The following RAPGEF4 variants were observed in gnomAD, a reference collection of about 807,000 sequenced individuals.
RAPGEF4 encodes the protein RAP guanine-nucleotide-exchange factor (GEF) 4.
A neutral mutation model predicts 147.9 loss-of-function variants in RAPGEF4; 66 were observed. That is an observed-to-expected ratio of 0.45 (90% CI 0.37 to 0.55). The LOEUF is 0.55. RAPGEF4 is among the 20% of genes least tolerant of loss of function. The pLI is 0.00. For synonymous variants in RAPGEF4, 419 were observed against 442.7 expected (o/e 0.95, Z 0.67); for missense variants, 1,071 against 1,257.3 (o/e 0.85, Z 2.24).
chr2:172,855,853 T>A (rs761382981), intron 4 of RAPGEF4, among the ~76,000 whole-genome samples: 3 of 152,176 alleles, frequency 2.0e-5, no homozygotes, highest in Non-Finnish European at 4.4e-5. Context: ...AGTATGCCAT[T>A]TTCCCCCTGG....
intron 29 of RAPGEF4, among the ~76,000 whole-genome samples, chr2:173,038,717 A>G (rs1684366935): frequency 6.6e-6 from 1 of 152,230 alleles, no homozygotes; most frequent in East Asian, 1.9e-4. Context: ...AAACCTGCAC[A>G]TTCTGCACAT....
rs373255479 is a variant in RAPGEF4, at chr2:172,887,715, ACTC to A, written c.445-30084_445-30082del. Among the ~76,000 whole-genome samples the A allele has an allele frequency of 1.3e-3, 204 of 151,752 alleles. No individual in the cohort carries two copies. In the South Asian group the frequency reaches 0.016, roughly 12 times the overall value. On this transcript the variant is annotated intron_variant, in intron 4 of 30. Transcript: ENST00000397081. ...TGCAGGAAGCCTTCTGTATCTGGCC[ACTC>A]CTGTCTCTTCTCACAGTTCCTCTGC...
chr2:172,808,368 G>A (rs1323855802), intron 3 of RAPGEF4, among the ~76,000 whole-genome samples: 2 of 152,142 alleles, frequency 1.3e-5, no homozygotes, highest in Non-Finnish European at 2.9e-5. Flanking sequence ...TTGAATACGA[G>A]CTCCCCCAGA....
chr2:172,945,112 G>T (rs577167303), intron 6 of RAPGEF4, among the ~76,000 whole-genome samples: 1 of 152,096 alleles, frequency 6.6e-6, no homozygotes, highest in South Asian at 2.1e-4. Context: ...AATACTGTTG[G>T]CATATCTAAT....
At chr2:173,022,064 G>A (rs1290117093) in intron 23 of RAPGEF4, among the ~76,000 whole-genome samples, 1 of 152,148 alleles carries the variant, frequency 6.6e-6, no homozygotes, top group Non-Finnish European at 1.5e-5. Flanking sequence ...TGTCATAAAT[G>A]AGTCGTGCTG....
At chr2:172,784,215 C>T (rs898036297) in intron 1 of RAPGEF4, among the ~76,000 whole-genome samples, 4 of 152,094 alleles carry the variant, frequency 2.6e-5, no homozygotes, top group African/African-American at 7.2e-5. Flanking sequence ...TACTCAGTAA[C>T]GAACTATAGA....
At chr2:172,920,008 C>T (rs1684564085) in intron 5 of RAPGEF4, among the ~76,000 whole-genome samples, 1 of 152,164 alleles carries the variant, frequency 6.6e-6, no homozygotes, top group Non-Finnish European at 1.5e-5. Context: ...GATGAGTCAA[C>T]TGGCTGTGAA....
intron 4 of RAPGEF4, chr2:172,860,417 C>A: frequency 1.5e-6 from 1 of 678,526 alleles, no homozygotes; most frequent in Non-Finnish European, 1.8e-6. Context: ...CAGAAGTAGA[C>A]TTCATTTTGT....
chr2:172,913,734 A>G (rs190192412), intron 4 of RAPGEF4, among the ~76,000 whole-genome samples: 2 of 152,126 alleles, frequency 1.3e-5, no homozygotes, highest in African/African-American at 4.8e-5. Context: ...CCTTTCTTCC[A>G]TTTCATTTGA....
At chr2:173,013,732 T>G (rs1159657990) in intron 17 of RAPGEF4, among the ~76,000 whole-genome samples, 2 of 152,152 alleles carry the variant, frequency 1.3e-5, no homozygotes, top group African/African-American at 4.8e-5. Context: ...CTAGGCGTAG[T>G]GTAGAATACA....
intron 1 of RAPGEF4, among the ~76,000 whole-genome samples, chr2:172,755,464 G>A (rs192035477): frequency 3.5e-4 from 53 of 152,160 alleles, no homozygotes; most frequent in East Asian, 1.9e-4. Context: ...GTGCAATCTC[G>A]GCTCACTGCA....
At chr2:172,987,623 AT>A (rs1692405545) in intron 12 of RAPGEF4, among the ~76,000 whole-genome samples, 1 of 152,226 alleles carries the variant, frequency 6.6e-6, no homozygotes, top group Admixed American at 6.5e-5. Context: ...TAGGATTTAC[AT>A]TGTATTAGCT....
intron 4 of RAPGEF4, among the ~76,000 whole-genome samples, chr2:172,828,286 G>A (rs902489340): frequency 1.3e-5 from 2 of 152,110 alleles, no homozygotes; most frequent in Non-Finnish European, 1.5e-5. Flanking sequence ...TCGTAAGGCC[G>A]ACAGAAATGT....
intron 18 of RAPGEF4, among the ~76,000 whole-genome samples, chr2:173,014,880 A>C (rs978764086): frequency 6.6e-6 from 1 of 152,154 alleles, no homozygotes; most frequent in Non-Finnish European, 1.5e-5. Context: ...GTCACGTAGC[A>C]CCCATCATTC....
At chr2:172,879,130 G>A (rs1696315457) in intron 4 of RAPGEF4, among the ~76,000 whole-genome samples, 1 of 152,230 alleles carries the variant, frequency 6.6e-6, no homozygotes, top group Admixed American at 6.5e-5. Flanking sequence ...AGTATTGTTT[G>A]CTATAGCCAA....
chr2:173,040,544 G>T (rs973398381), intron 29 of RAPGEF4, among the ~76,000 whole-genome samples: 1 of 152,138 alleles, frequency 6.6e-6, no homozygotes, highest in Non-Finnish European at 1.5e-5. Flanking sequence ...AGGTCACCAG[G>T]GTAGCCAGGA....
intron 3 of RAPGEF4, among the ~76,000 whole-genome samples, chr2:172,809,871 T>C (rs1687862048): frequency 6.6e-6 from 1 of 152,120 alleles, no homozygotes; most frequent in African/African-American, 2.4e-5. Context: ...TTTCCCCTAA[T>C]GAATAAGAGG....
chr2:172,974,120 C>G (rs1253084705), intron 10 of RAPGEF4, among the ~76,000 whole-genome samples: 1 of 152,198 alleles, frequency 6.6e-6, no homozygotes, highest in Non-Finnish European at 1.5e-5. Context: ...TTACTTAATT[C>G]AATTCCTTCA....
chr2:172,810,597 G>A (rs1559052888), intron 3 of RAPGEF4, among the ~76,000 whole-genome samples: 1 of 152,228 alleles, frequency 6.6e-6, no homozygotes, highest in Non-Finnish European at 1.5e-5. Flanking sequence ...TGGCGTGTCG[G>A]TGATATGCCA....
Sources: allele counts gnomAD v4.1 joint callset (sites outside exome capture counted in the v4.1 genomes callset), GRCh38; gene constraint gnomAD v4.1.1; transcripts MANE v1.5; gene names NCBI Gene and HGNC (gene_info 2026-07-23, HGNC 2026-07-21).